Variants in HS3ST3A1 observed in about 807,000 individuals in gnomAD.
The protein encoded by HS3ST3A1 is heparan sulfate glucosamine 3-O-sulfotransferase 3A1.
HS3ST3A1 carries 19 observed loss-of-function variants against 25.7 expected under a neutral mutation model. That is an observed-to-expected ratio of 0.74 (90% CI 0.52 to 1.08). The LOEUF (loss-of-function observed/expected upper bound fraction) is 1.08. HS3ST3A1 is among the 50% of genes least tolerant of loss of function. The pLI, the probability that HS3ST3A1 is intolerant of heterozygous loss-of-function variation, is 0.00. For missense variants in HS3ST3A1, 459 were observed against 594.3 expected (o/e 0.77, Z 2.37); for synonymous variants, 226 against 278.6 (o/e 0.81, Z 1.88).
intron 1 of HS3ST3A1, among the ~76,000 whole-genome samples, chr17:13,578,645 C>T (rs1050525124): frequency 7.2e-5 from 11 of 151,776 alleles, no homozygotes; most frequent in Non-Finnish European, 1.5e-4. Context: ...TGGGCCCAGT[C>T]TCTCCTAGAC....
At chr17:13,593,750 A>C (rs1186301220) in intron 1 of HS3ST3A1, among the ~76,000 whole-genome samples, 2 of 149,560 alleles carry the variant, frequency 1.3e-5, no homozygotes, top group Non-Finnish European at 1.5e-5. Context: ...ATTGTGAAAA[A>C]TAGCACAGAG....
At chr17:13,525,343 TA>T (rs1906377150) in intron 1 of HS3ST3A1, among the ~76,000 whole-genome samples, 1 of 152,306 alleles carries the variant, frequency 6.6e-6, no homozygotes, top group East Asian at 1.9e-4. Flanking sequence ...ACTGTAATAT[TA>T]GGCTAATGCT....
intron 1 of HS3ST3A1, among the ~76,000 whole-genome samples, chr17:13,542,708 C>A (rs111754829): frequency 0.05 from 7,639 of 152,080 alleles, 253 homozygotes; most frequent in African/African-American, 0.098. Context: ...GAATCTAAAG[C>A]AATAAATTTC....
chr17:13,526,767 C>A (rs1906444674), intron 1 of HS3ST3A1, among the ~76,000 whole-genome samples: 1 of 151,890 alleles, frequency 6.6e-6, no homozygotes, highest in Non-Finnish European at 1.5e-5. Flanking sequence ...CCTGCCTCAG[C>A]CTCCCGAGTA....
intron 1 of HS3ST3A1, among the ~76,000 whole-genome samples, chr17:13,532,545 C>T (rs1053519396): frequency 1.9e-4 from 29 of 151,992 alleles, no homozygotes; most frequent in African/African-American, 7.0e-4. Context: ...ATGAGTTTTC[C>T]AGGAGAGTCC....
intron 1 of HS3ST3A1, among the ~76,000 whole-genome samples, chr17:13,546,090 G>C (rs969169094): frequency 6.6e-6 from 1 of 152,046 alleles, no homozygotes; most frequent in Non-Finnish European, 1.5e-5. Context: ...ATTTCCACCT[G>C]TCCGCCCTCT....
At chr17:13,497,311 T>G (rs1441511904) in intron 1 of HS3ST3A1, among the ~76,000 whole-genome samples, 1 of 152,240 alleles carries the variant, frequency 6.6e-6, no homozygotes, top group Non-Finnish European at 1.5e-5. Flanking sequence ...TACTTATGTT[T>G]GTAATTACTG....
At position 13,601,152 on chromosome 17, in the gene HS3ST3A1, C is replaced by A. The variant is rs1598438856; in HGVS notation, c.-23G>T. 1.5e-5 allele frequency: 22 copies of A among 1,489,456 alleles called. No homozygotes were observed. The highest frequency in any genetic ancestry group is 1.6e-5 in the Non-Finnish European group (18 of 1,121,406). The allele number at this position is 1,489,456 out of a possible 1,614,324, so 92.3% of individuals were successfully genotyped here. On this transcript the variant is annotated 5_prime_UTR_variant, in exon 1 of 2. Coordinates refer to ENST00000284110, the MANE Select transcript of HS3ST3A1 (RefSeq NM_006042.3). ...CATCCTAGCCGGAGGCGACGTCGGG[C>A]AACGCGCCGGCCATGCTAGGCCTGG...
chr17:13,542,295 C>T (rs953446566), intron 1 of HS3ST3A1, among the ~76,000 whole-genome samples: 8 of 149,766 alleles, frequency 5.3e-5, no homozygotes, highest in Admixed American at 4.7e-4. Context: ...CGCCACTGCC[C>T]TCCAGCCTGG....
rs1331115888 is a variant in HS3ST3A1 at position 13,494,591 on chromosome 17, A to T, written c.*1606T>A. Among the ~76,000 whole-genome samples, 1 of 152,224 alleles carries T rather than the reference A, an allele frequency of 6.6e-6. No individual in the cohort carries two copies. The highest frequency in any genetic ancestry group is 1.5e-5 in the Non-Finnish European group (1 of 68,026). On this transcript the variant is annotated 3_prime_UTR_variant, in exon 2 of 2. Transcript: ENST00000284110. ...TCTGGTCGTTTAAATTTTGGCAGAT[A>T]AAGAAAACTTCCATGAAATAGAAGA...
chr17:13,512,943 A>T (rs924059956), intron 1 of HS3ST3A1, among the ~76,000 whole-genome samples: 9 of 152,198 alleles, frequency 5.9e-5, no homozygotes, highest in Middle Eastern at 3.4e-3. Context: ...AGATTTATAT[A>T]TTTTTTCTGT....
At chr17:13,503,883 T>C (rs1218881664) in intron 1 of HS3ST3A1, among the ~76,000 whole-genome samples, 1 of 152,206 alleles carries the variant, frequency 6.6e-6, no homozygotes, top group African/African-American at 2.4e-5. Context: ...CATATATATG[T>C]TCACCAAAAG....
At chr17:13,508,517 T>A (rs756958972) in intron 1 of HS3ST3A1, among the ~76,000 whole-genome samples, 4 of 152,220 alleles carry the variant, frequency 2.6e-5, no homozygotes, top group Admixed American at 6.5e-5. Context: ...ACATTTTCTC[T>A]TTCATTGACT....
intron 1 of HS3ST3A1, among the ~76,000 whole-genome samples, chr17:13,522,760 A>C (rs915537112): frequency 6.6e-6 from 1 of 152,184 alleles, no homozygotes; most frequent in African/African-American, 2.4e-5. Context: ...ACAATAAAAA[A>C]ATGGCAAAAT....
chr17:13,556,514 G>GAAAAAAAATAAAATAAAATAAAATA (rs1907378888), intron 1 of HS3ST3A1, among the ~76,000 whole-genome samples: 1 of 145,830 alleles, frequency 6.9e-6, no homozygotes, highest in Non-Finnish European at 1.5e-5. Flanking sequence ...TCTCAAAAAA[G>GAAAAAAAATAAAATAAAATAAAATA]AAATAAAATA....
At chr17:13,584,076 A>C (rs1908184418) in intron 1 of HS3ST3A1, among the ~76,000 whole-genome samples, 1 of 152,250 alleles carries the variant, frequency 6.6e-6, no homozygotes, top group Non-Finnish European at 1.5e-5. Context: ...AACACATAAA[A>C]ATATGTCACT....
chr17:13,571,445 G>A (rs1396242976), intron 1 of HS3ST3A1, among the ~76,000 whole-genome samples: 2 of 152,200 alleles, frequency 1.3e-5, no homozygotes, highest in Admixed American at 6.5e-5. Context: ...GACGACTGCA[G>A]GAAGAAAATC....
At chr17:13,529,350 T>G (rs1722533303) in intron 1 of HS3ST3A1, among the ~76,000 whole-genome samples, 1 of 152,200 alleles carries the variant, frequency 6.6e-6, no homozygotes, top group African/African-American at 2.4e-5. Flanking sequence ...GAAAAAGACA[T>G]GTTTATGTGG....
In HS3ST3A1 at chr17:13,582,210, A is replaced by G. The variant is rs533130747; in HGVS notation, c.599+18321T>C. On this transcript the variant is annotated intron_variant, in intron 1 of 1. Transcript: ENST00000284110. ...TCTGAGTTCAATAGTTCAAATTTTT[A>G]GCGGCCTTGGGGAGGAAGAAAAAGA... is the stretch of plus-strand genomic sequence containing the variant. 4.6e-5 allele frequency among the ~76,000 whole-genome samples: 7 copies of G among 152,308 alleles called. No homozygotes were observed. The South Asian group carries it at 1.5e-3, about 32-fold the overall frequency.
Sources: gnomAD v4.1 joint callset for allele counts (sites outside exome capture counted in the v4.1 genomes callset) on GRCh38, gnomAD v4.1.1 for gene constraint, MANE v1.5 for transcripts, NCBI Gene and HGNC (gene_info 2026-07-23, HGNC 2026-07-21) for gene names.